KIAA0825: variants seen among roughly 807,000 people sequenced by gnomAD.
KIAA0825 encodes the protein KIAA0825.
A neutral mutation model predicts 147.6 loss-of-function variants in KIAA0825; 119 were observed. The observed-to-expected ratio is 0.81, with a 90% confidence interval of 0.69 to 0.94. KIAA0825 has a LOEUF of 0.94. KIAA0825 is among the 40% of genes least tolerant of loss of function. KIAA0825 has a pLI of 0.00. For synonymous variants in KIAA0825, 470 were observed against 518.1 expected, an observed-to-expected ratio of 0.91 and a Z score of 1.26; for missense variants, 1,381 against 1,472.7, an observed-to-expected ratio of 0.94 and a Z score of 1.02.
At chr5:94,175,705 T>G (rs1769030419) in intron 20 of KIAA0825, among the ~76,000 whole-genome samples, 1 of 152,192 alleles carries the variant, frequency 6.6e-6, no homozygotes, top group Non-Finnish European at 1.5e-5. Context: ...TTGATCAAGT[T>G]AAAGAATTTC....
In KIAA0825 at chr5:94,520,340, T is replaced by C; in HGVS notation, c.878A>G (p.Asn293Ser). The C allele has an allele frequency of 6.2e-7, 1 of 1,613,566 alleles. No individual in the cohort carries two copies. The highest frequency in any genetic ancestry group is 8.5e-7 in the Non-Finnish European group (1 of 1,179,560). Residue 293 changes from asparagine to serine, a missense_variant, in exon 5 of 21, where the codon AAT becomes AGT. Physicochemically the swap from Asn to Ser is conservative, Grantham distance 46. Transcript: ENST00000682413. ...TTCTCTGAACTGCAGCTCACAAAAA[T>C]TTTCAAGAAATTTTGCCATTTCTTC... ...VTEEMAKFLENFCELQFRENA... is the reference protein window; with the variant it reads ...VTEEMAKFLESFCELQFRENA...
chr5:94,438,313 T>C (rs1756634068), intron 14 of KIAA0825, among the ~76,000 whole-genome samples: 1 of 152,182 alleles, frequency 6.6e-6, no homozygotes, highest in Admixed American at 6.6e-5. Flanking sequence ...GAGAATCAAA[T>C]TAGATAACAC....
rs933779993 is a variant in KIAA0825 at position 94,440,068 on chromosome 5, G to T, written c.2411C>A (p.Ser804Tyr). Residue 804 changes from serine to tyrosine, a missense_variant, in exon 14 of 21, where the codon TCC becomes TAC. Physicochemically the swap from Ser to Tyr is moderately radical, Grantham distance 144. Transcript: ENST00000682413. Reference sequence around the variant, plus strand: ...CAAGTTCCAGTTACAACGTGGCTGGGATAAGAGCAGTTTCAACTGACCCTC... The same window carrying T: ...CAAGTTCCAGTTACAACGTGGCTGGTATAAGAGCAGTTTCAACTGACCCTC... ...KAEGQLKLLL[S>Y]QPRCNWNLLL... The T allele has an allele frequency of 6.4e-7, 1 of 1,551,548 alleles. No homozygotes were observed. Among genetic ancestry groups the T allele is most frequent in the Admixed American group, 2.0e-5 (1 of 51,004 alleles).
intron 20 of KIAA0825, among the ~76,000 whole-genome samples, chr5:94,370,980 C>T (rs1746621783): frequency 6.6e-6 from 1 of 151,872 alleles, no homozygotes; most frequent in Admixed American, 6.6e-5. Flanking sequence ...ACTTATCAAC[C>T]AATAAATAAA....
chr5:94,594,572 A>G (rs1784929459), intron 1 of KIAA0825: 1 of 725,020 alleles, frequency 1.4e-6, no homozygotes, highest in African/African-American at 1.8e-5. Flanking sequence ...TGCCACCAGG[A>G]GCTGAAAGGA....
At chr5:94,413,154 T>G (rs1284339329) in intron 15 of KIAA0825, 3 of 152,010 alleles carry the variant, frequency 2.0e-5, no homozygotes, top group Non-Finnish European at 4.4e-5. Context: ...TTTCTCCATG[T>G]TGGTCAAGCT....
intron 20 of KIAA0825, among the ~76,000 whole-genome samples, chr5:94,222,674 A>G (rs2150066970): frequency 6.6e-6 from 1 of 152,332 alleles, no homozygotes; most frequent in African/African-American, 2.4e-5. Flanking sequence ...ACTCTCTTGC[A>G]TAATTAGCTC....
At chr5:94,304,651 C>A (rs1027162257) in intron 20 of KIAA0825, among the ~76,000 whole-genome samples, 26 of 151,960 alleles carry the variant, frequency 1.7e-4, no homozygotes, top group Admixed American at 2.0e-4. Flanking sequence ...CATTAAAGGA[C>A]CTCTGACAAC....
chr5:94,319,858 A>G (rs1471967513), intron 20 of KIAA0825, among the ~76,000 whole-genome samples: 3 of 151,886 alleles, frequency 2.0e-5, no homozygotes, highest in African/African-American at 4.8e-5. Flanking sequence ...AAGACTTGCT[A>G]TCATACAAAA....
chr5:94,457,461 T>C (rs2085676576), intron 12 of KIAA0825, among the ~76,000 whole-genome samples: 1 of 152,248 alleles, frequency 6.6e-6, no homozygotes, highest in Admixed American at 6.5e-5. Context: ...AAGATGACTT[T>C]GCTTAAGGGG....
At chr5:94,302,619 T>G (rs1015119568) in intron 20 of KIAA0825, among the ~76,000 whole-genome samples, 3 of 152,176 alleles carry the variant, frequency 2.0e-5, no homozygotes, top group African/African-American at 7.2e-5. Context: ...TTTTTCTCTT[T>G]GCCTTGGATT....
intron 5 of KIAA0825, among the ~76,000 whole-genome samples, chr5:94,514,771 G>A (rs530875942): frequency 2.0e-5 from 3 of 152,068 alleles, no homozygotes; most frequent in Non-Finnish European, 4.4e-5. Context: ...GTGATCTTGT[G>A]TCTCCCTAGT....
intron 20 of KIAA0825, among the ~76,000 whole-genome samples, chr5:94,319,673 C>T (rs80130597): frequency 6.6e-6 from 1 of 152,042 alleles, no homozygotes; most frequent in East Asian, 2.0e-4. Context: ...TTGTTTAACT[C>T]AGGATCTTCA....
rs552503086 is a variant in KIAA0825 at position 94,532,029 on chromosome 5, AAGC to A, written c.131+4964_131+4966del. ...TTTAATATGGAAGCTCAAAAAATTT[AAGC>A]ATTATATAAAAAATAAGTGTAATCT... is the stretch of plus-strand genomic sequence containing the variant. On this transcript the variant is annotated intron_variant, in intron 3 of 20. Transcript: ENST00000682413. Among the ~76,000 whole-genome samples, 37 of 152,350 alleles carry A rather than the reference AAGC, an allele frequency of 2.4e-4. 1 individual carries two copies. The South Asian group carries it at 4.3e-3, about 18-fold the overall frequency.
At chr5:94,436,783 A>G (rs976655137) in intron 14 of KIAA0825, among the ~76,000 whole-genome samples, 8 of 151,912 alleles carry the variant, frequency 5.3e-5, no homozygotes, top group Non-Finnish European at 1.2e-4. Context: ...TGTTTGTGTC[A>G]TATCTGATTT....
intron 20 of KIAA0825, among the ~76,000 whole-genome samples, chr5:94,315,975 G>A (rs1779620440): frequency 1.3e-5 from 2 of 151,662 alleles, no homozygotes; most frequent in African/African-American, 4.8e-5. Context: ...AGTTAAGCCA[G>A]TCACAATAAT....
chr5:94,387,650 G>A (rs1411107684), intron 18 of KIAA0825, among the ~76,000 whole-genome samples: 7 of 151,222 alleles, frequency 4.6e-5, no homozygotes, highest in Non-Finnish European at 7.4e-5. Flanking sequence ...AGCTGAGATC[G>A]CACCACTGCA....
intron 20 of KIAA0825, among the ~76,000 whole-genome samples, chr5:94,262,306 C>G (rs1776534076): frequency 6.6e-6 from 1 of 151,962 alleles, no homozygotes; most frequent in South Asian, 2.1e-4. Context: ...GAAGCCCTGT[C>G]ATATACTATT....
rs375365816 is a variant in KIAA0825, at chr5:94,339,495, G to A, written c.3710+44873C>T. Among the ~76,000 whole-genome samples the A allele has an allele frequency of 2.2e-4, 33 of 152,244 alleles. No individual in the cohort carries two copies. The East Asian group carries it at 5.6e-3, about 26-fold the overall frequency. On this transcript the variant is annotated intron_variant, in intron 20 of 20. Transcript: ENST00000682413. ...GTTTTTTAGAACTCAGTGGTGAACC[G>A]TATTGAATATCTTATGTCTTAGTTC... is the stretch of plus-strand genomic sequence containing the variant.
Sources: allele counts gnomAD v4.1 joint callset (sites outside exome capture counted in the v4.1 genomes callset), GRCh38; gene constraint gnomAD v4.1.1; transcripts MANE v1.5; gene names NCBI Gene and HGNC (gene_info 2026-07-23, HGNC 2026-07-21).